KCNIP1: variants seen among roughly 807,000 people sequenced by gnomAD.
KCNIP1 encodes A-type potassium channel modulatory protein KCNIP1.
A neutral mutation model predicts 33.0 loss-of-function variants in KCNIP1; 18 were observed. That is an observed-to-expected ratio of 0.55 (90% confidence interval 0.38 to 0.81). KCNIP1 has a LOEUF of 0.81. Ranked by LOEUF, KCNIP1 falls within the 30% of genes least tolerant of loss-of-function variation. The probability of loss-of-function intolerance (pLI) is 0.00; values close to 1 mark genes in which losing one functional copy is unlikely to be tolerated. For synonymous variants in KCNIP1, 93 were observed against 98.3 expected (o/e 0.95, Z 0.32); for missense variants, 238 against 271.6 (o/e 0.88, Z 0.87).
At chr5:170,670,674 C>T (rs1190687278) in intron 1 of KCNIP1, among the ~76,000 whole-genome samples, 1 of 152,168 alleles carries the variant, frequency 6.6e-6, no homozygotes, top group African/African-American at 2.4e-5. Context: ...GGGTGGACCG[C>T]CTGAGCTCAG....
chr5:170,479,598 C>T (rs1242496897), intron 1 of KCNIP1, among the ~76,000 whole-genome samples: 2 of 152,156 alleles, frequency 1.3e-5, no homozygotes, highest in African/African-American at 2.4e-5. Flanking sequence ...AAAATGCAAG[C>T]TCAGCATGAC....
intron 1 of KCNIP1, among the ~76,000 whole-genome samples, chr5:170,443,384 C>T (rs904642377): frequency 1.3e-5 from 2 of 152,186 alleles, no homozygotes; most frequent in Non-Finnish European, 2.9e-5. Flanking sequence ...AAAGGAGGTG[C>T]AGAGGCCAAG....
chr5:170,615,330 T>C (rs1759324727), intron 1 of KCNIP1, among the ~76,000 whole-genome samples: 1 of 152,182 alleles, frequency 6.6e-6, no homozygotes, highest in Non-Finnish European at 1.5e-5. Context: ...TCAGGAACCG[T>C]CAGCTCCAAA....
intron 1 of KCNIP1, among the ~76,000 whole-genome samples, chr5:170,564,538 T>TC (rs556471466): frequency 2.7e-4 from 41 of 152,314 alleles, no homozygotes; most frequent in African/African-American, 8.4e-4. Context: ...TCCTAGCTTT[T>TC]CCCCACCTTC....
intron 1 of KCNIP1, among the ~76,000 whole-genome samples, chr5:170,650,318 C>T (rs1760992118): frequency 6.6e-6 from 1 of 152,010 alleles, no homozygotes; most frequent in African/African-American, 2.4e-5. Context: ...TTTAATCCCA[C>T]CTTCCATCCC....
intron 1 of KCNIP1, among the ~76,000 whole-genome samples, chr5:170,633,452 T>C (rs1211994074): frequency 6.6e-6 from 1 of 150,444 alleles, no homozygotes; most frequent in Non-Finnish European, 1.5e-5. Context: ...TGCAGATGTC[T>C]GGGAGGAGAG....
At chr5:170,645,395 A>G (rs571555003) in intron 1 of KCNIP1, among the ~76,000 whole-genome samples, 3 of 152,374 alleles carry the variant, frequency 2.0e-5, no homozygotes, top group Admixed American at 2.0e-4. Context: ...ACATAATAAC[A>G]AAGGTGTCAA....
At chr5:170,683,230 T>A (rs974775226) in intron 1 of KCNIP1, among the ~76,000 whole-genome samples, 3 of 152,226 alleles carry the variant, frequency 2.0e-5, no homozygotes, top group Non-Finnish European at 4.4e-5. Flanking sequence ...AGTGCCTTTA[T>A]ATACATGAGT....
intron 1 of KCNIP1, among the ~76,000 whole-genome samples, chr5:170,530,023 A>G (rs1047902909): frequency 6.6e-5 from 10 of 152,200 alleles, no homozygotes; most frequent in East Asian, 3.9e-4. Flanking sequence ...AAATCTGAGC[A>G]AGACCCTTTT....
intron 1 of KCNIP1, among the ~76,000 whole-genome samples, chr5:170,635,918 G>A (rs1760262679): frequency 6.6e-6 from 1 of 152,214 alleles, no homozygotes; most frequent in Admixed American, 6.5e-5. Context: ...GCAGGTGGCA[G>A]TGGCAGGCAG....
chr5:170,518,537 A>G (rs1755238091), intron 1 of KCNIP1, among the ~76,000 whole-genome samples: 1 of 152,248 alleles, frequency 6.6e-6, no homozygotes, highest in East Asian at 1.9e-4. Context: ...ACTTGCAGAA[A>G]GACACAGGCT....
chr5:170,669,059 G>T (rs1287270553), intron 1 of KCNIP1, among the ~76,000 whole-genome samples: 1 of 152,164 alleles, frequency 6.6e-6, no homozygotes, highest in African/African-American at 2.4e-5. Flanking sequence ...TCACAGTCTT[G>T]TTATCTCTAC....
intron 1 of KCNIP1, among the ~76,000 whole-genome samples, chr5:170,607,644 G>A (rs989306339): frequency 6.6e-6 from 1 of 152,194 alleles, no homozygotes; most frequent in Non-Finnish European, 1.5e-5. Context: ...CTCACGAAGG[G>A]TTCATCCCTG....
chr5:170,584,064 G>A (rs1273585451), intron 1 of KCNIP1, among the ~76,000 whole-genome samples: 1 of 152,198 alleles, frequency 6.6e-6, no homozygotes, highest in African/African-American at 2.4e-5. Flanking sequence ...TCAACTACCT[G>A]AAGATGGAAT....
intron 1 of KCNIP1, among the ~76,000 whole-genome samples, chr5:170,368,806 A>T (rs1763769934): frequency 6.6e-6 from 1 of 152,208 alleles, no homozygotes; most frequent in Admixed American, 6.5e-5. Flanking sequence ...CTCAGACCTC[A>T]GCCCACTCCC....
chr5:170,684,266 C>A (rs906485661), intron 1 of KCNIP1, among the ~76,000 whole-genome samples: 1 of 152,146 alleles, frequency 6.6e-6, no homozygotes, highest in Non-Finnish European at 1.5e-5. Flanking sequence ...CAAATTACTA[C>A]AAACTGGGTG....
intron 1 of KCNIP1, among the ~76,000 whole-genome samples, chr5:170,539,048 T>G (rs1561675940): frequency 6.6e-6 from 1 of 152,038 alleles, no homozygotes; most frequent in Non-Finnish European, 1.5e-5. Context: ...CTGCAGGTCC[T>G]ATGATCATGG....
chr5:170,715,563 T>G (rs1217649769), intron 1 of KCNIP1, among the ~76,000 whole-genome samples: 1 of 152,210 alleles, frequency 6.6e-6, no homozygotes, highest in Admixed American at 6.5e-5. Flanking sequence ...TAGGTATTCA[T>G]CACTGTGTGA....
At chr5:170,478,866 A>G (rs1655347062) in intron 1 of KCNIP1, among the ~76,000 whole-genome samples, 1 of 152,142 alleles carries the variant, frequency 6.6e-6, no homozygotes, top group Admixed American at 6.5e-5. Context: ...ATATAGATCT[A>G]AGTTTCATGC....
Sources: allele counts gnomAD v4.1 joint callset (sites outside exome capture counted in the v4.1 genomes callset), GRCh38; gene constraint gnomAD v4.1.1; transcripts MANE v1.5; gene names NCBI Gene and HGNC (gene_info 2026-07-23, HGNC 2026-07-21).